BCL2L13: variants seen among roughly 807,000 people sequenced by gnomAD.
BCL2L13 encodes the protein BCL2 like 13.
A neutral mutation model predicts 25.8 loss-of-function variants in BCL2L13; 13 were observed. That is an observed-to-expected ratio of 0.50 (90% CI 0.33 to 0.80). The LOEUF (loss-of-function observed/expected upper bound fraction) is 0.80, where lower values mean the gene tolerates loss of function less well. Among genes scored for constraint, BCL2L13 ranks in the 30% least tolerant of loss-of-function variants. The pLI, the probability that BCL2L13 is intolerant of heterozygous loss-of-function variation, is 0.02. For missense variants in BCL2L13, 504 were observed against 574.9 expected (o/e 0.88, Z 1.26); for synonymous variants, 244 against 230.3 (o/e 1.06, Z -0.54).
intron 1 of BCL2L13, among the ~76,000 whole-genome samples, chr22:17,632,732 T>TA (rs1030676185): frequency 1.3e-5 from 2 of 151,940 alleles, no homozygotes; most frequent in Non-Finnish European, 1.5e-5. Context: ...AACAGTGTGA[T>TA]AATCTTTATG....
At chr22:17,661,654 A>G (rs2059069312) in intron 2 of BCL2L13, among the ~76,000 whole-genome samples, 1 of 145,968 alleles carries the variant, frequency 6.9e-6, no homozygotes, top group African/African-American at 2.4e-5. Flanking sequence ...ATAGAAATCC[A>G]TCTGTCCTTA....
At chr22:17,654,215 C>A (rs2058776203) in intron 1 of BCL2L13, among the ~76,000 whole-genome samples, 1 of 151,122 alleles carries the variant, frequency 6.6e-6, no homozygotes, top group Non-Finnish European at 1.5e-5. Flanking sequence ...AAGCAGTTAT[C>A]CCATCTCAGC....
At chr22:17,655,138 TAC>T (rs1166573640) in intron 1 of BCL2L13, among the ~76,000 whole-genome samples, 7 of 151,944 alleles carry the variant, frequency 4.6e-5, no homozygotes, top group African/African-American at 1.5e-4. Flanking sequence ...AGCCCAGGCC[TAC>T]ACAGAGTCAG....
chr22:17,674,731 T>G (rs1261301558), intron 2 of BCL2L13, among the ~76,000 whole-genome samples: 1 of 152,150 alleles, frequency 6.6e-6, no homozygotes, highest in East Asian at 1.9e-4. Flanking sequence ...TCAAGGGGTC[T>G]TCCTGCCTAG....
At chr22:17,708,481 ATTG>A (rs767042486) in intron 6 of BCL2L13, among the ~76,000 whole-genome samples, 2 of 152,174 alleles carry the variant, frequency 1.3e-5, no homozygotes, top group Non-Finnish European at 2.9e-5. Flanking sequence ...CTCTCATAGC[ATTG>A]TTGTGAGGTT....
intron 5 of BCL2L13, 22 bp downstream of exon 5, chr22:17,696,232 C>T (rs1353765330): frequency 6.3e-7 from 1 of 1,593,528 alleles, no homozygotes; most frequent in South Asian, 1.1e-5. Flanking sequence ...ATGATCTTTT[C>T]TCTTAAAAGA....
intron 5 of BCL2L13, among the ~76,000 whole-genome samples, chr22:17,698,556 T>TAA (rs55650486): frequency 7.7e-6 from 1 of 129,952 alleles, no homozygotes; most frequent in Non-Finnish European, 1.6e-5. Flanking sequence ...CCCTGTCTCT[T>TAA]AAAAAAAAAA....
chr22:17,644,457 A>G (rs1168712735), intron 1 of BCL2L13, among the ~76,000 whole-genome samples: 1 of 150,046 alleles, frequency 6.7e-6, no homozygotes, highest in African/African-American at 2.5e-5. Context: ...CAGCCCCCTG[A>G]AGTAACTGGG....
intron 2 of BCL2L13, among the ~76,000 whole-genome samples, chr22:17,676,822 G>A (rs2059588139): frequency 6.6e-6 from 1 of 152,118 alleles, no homozygotes; most frequent in African/African-American, 2.4e-5. Flanking sequence ...ATCTGTAAAG[G>A]TAGACTTTTA....
intron 3 of BCL2L13, among the ~76,000 whole-genome samples, 198 bp downstream of exon 3, chr22:17,683,519 C>T (rs530263149): frequency 2.3e-4 from 35 of 152,146 alleles, no homozygotes; most frequent in African/African-American, 7.7e-4. Flanking sequence ...TGGAAGTTCC[C>T]CAACTATACC....
chr22:17,667,989 G>T (rs2059288404), intron 2 of BCL2L13, among the ~76,000 whole-genome samples: 1 of 114,952 alleles, frequency 8.7e-6, no homozygotes, highest in African/African-American at 3.3e-5. Context: ...TTTTTTGAGA[G>T]CATGAGGAAG....
intron 5 of BCL2L13, among the ~76,000 whole-genome samples, chr22:17,697,620 T>G (rs1018425338): frequency 6.6e-6 from 1 of 152,136 alleles, no homozygotes; most frequent in African/African-American, 2.4e-5. Context: ...TTAAGCATAT[T>G]ATCAGGCACC....
chr22:17,676,421 C>T (rs2059578235), intron 2 of BCL2L13, among the ~76,000 whole-genome samples: 1 of 152,140 alleles, frequency 6.6e-6, no homozygotes, highest in South Asian at 2.1e-4. Context: ...CGAGACTGCA[C>T]CACTGCACTC....
At chr22:17,646,599 G>A (rs13054957) in intron 1 of BCL2L13, among the ~76,000 whole-genome samples, 21,197 of 150,476 alleles carry the variant, frequency 0.14, 2,087 homozygotes, top group Non-Finnish European at 0.21. Context: ...CTCACTTCTG[G>A]ATACCAAGAA....
chr22:17,683,491 T>C (rs1192636020), intron 3 of BCL2L13, among the ~76,000 whole-genome samples, 170 bp downstream of exon 3: 1 of 152,212 alleles, frequency 6.6e-6, no homozygotes, highest in Non-Finnish European at 1.5e-5. Flanking sequence ...CTTTTTTCTT[T>C]CCTGGAGGAT....
intron 6 of BCL2L13, among the ~76,000 whole-genome samples, chr22:17,719,975 G>T (rs1443602507): frequency 1.3e-5 from 2 of 152,058 alleles, no homozygotes; most frequent in African/African-American, 4.8e-5. Context: ...TAGGCAATCC[G>T]TAGAGATAGA....
intron 4 of BCL2L13, among the ~76,000 whole-genome samples, chr22:17,694,000 C>T (rs1462646335): frequency 1.3e-5 from 2 of 152,028 alleles, no homozygotes; most frequent in Admixed American, 1.3e-4. Flanking sequence ...TCAAGCGATC[C>T]ACCTGCCTTG....
chr22:17,678,231 G>A (rs1012511518), intron 2 of BCL2L13, among the ~76,000 whole-genome samples: 5 of 151,926 alleles, frequency 3.3e-5, no homozygotes, highest in African/African-American at 9.7e-5. Context: ...GCTATGTTGC[G>A]CAGGCTGTTC....
intron 2 of BCL2L13, among the ~76,000 whole-genome samples, chr22:17,682,717 A>G (rs1233117293): frequency 6.6e-6 from 1 of 152,136 alleles, no homozygotes; most frequent in Non-Finnish European, 1.5e-5. Context: ...CTCAATCCAT[A>G]GGCCCAAATA....
Sources: gnomAD v4.1 joint callset for allele counts (sites outside exome capture counted in the v4.1 genomes callset) on GRCh38, gnomAD v4.1.1 for gene constraint, MANE v1.5 for transcripts, NCBI Gene and HGNC (gene_info 2026-07-23, HGNC 2026-07-21) for gene names.